The following RALYL variants were observed in gnomAD, a reference collection of about 807,000 sequenced individuals.
RALYL encodes the protein RNA-binding Raly-like protein.
RALYL carries 29 observed loss-of-function variants against 35.1 expected under a neutral mutation model. The observed-to-expected ratio is 0.83, with a 90% CI of 0.61 to 1.13. RALYL has a LOEUF of 1.13. Ranked by LOEUF, RALYL falls within the 50% of genes most tolerant of loss-of-function variation. The probability of loss-of-function intolerance (pLI) is 0.00; values close to 1 mark genes in which losing one functional copy is unlikely to be tolerated. For missense variants in RALYL, 359 were observed against 360.4 expected (o/e 1.00, Z 0.03); for synonymous variants, 120 against 127.6 (o/e 0.94, Z 0.40).
At chr8:84,653,140 A>G (rs950970622) in intron 2 of RALYL, among the ~76,000 whole-genome samples, 2 of 152,106 alleles carry the variant, frequency 1.3e-5, no homozygotes, top group African/African-American at 2.4e-5. Flanking sequence ...TGCATGCTGT[A>G]CACATGCTTT....
chr8:84,568,827 T>A (rs1308965923), intron 2 of RALYL, among the ~76,000 whole-genome samples: 1 of 149,856 alleles, frequency 6.7e-6, no homozygotes, highest in African/African-American at 2.5e-5. Flanking sequence ...TTTCATGTGT[T>A]TTTTGGCTGC....
rs984286679 is a variant in RALYL at position 84,907,006 on chromosome 8, C to T, written c.859-13888C>T. 7.1e-6 allele frequency: 7 copies of T among 981,310 alleles called. No homozygotes were observed. The Admixed American group carries it at 3.7e-4, about 52-fold the overall frequency. 60.8% of individuals were successfully genotyped at this position (981,310 alleles called of 1,614,324 possible). A position where few individuals can be genotyped will look rare whatever the true frequency, so the allele number is the denominator to read the frequency against. The stretch of plus-strand genomic sequence containing the variant: ...GCCTGAGATGAAATGAAAGTTCAGG[C>T]CTTTGGAAAGCTGGTAAGAATTCTT... On this transcript the variant is annotated intron_variant, in intron 8 of 8. Coordinates refer to ENST00000521268, the MANE Select transcript of RALYL (RefSeq NM_173848.7).
intron 2 of RALYL, among the ~76,000 whole-genome samples, chr8:84,680,713 TA>T (rs1733537573): frequency 6.6e-6 from 1 of 152,200 alleles, no homozygotes; most frequent in African/African-American, 2.4e-5. Flanking sequence ...TTTTTTCTTG[TA>T]AATTTGTTGG....
chr8:84,760,930 G>A (rs1478018174), intron 2 of RALYL, among the ~76,000 whole-genome samples: 2 of 152,054 alleles, frequency 1.3e-5, no homozygotes, highest in Non-Finnish European at 2.9e-5. Flanking sequence ...GTAACTGCAT[G>A]ATATCTACAT....
At chr8:84,678,495 G>A (rs1006597281) in intron 2 of RALYL, among the ~76,000 whole-genome samples, 2 of 152,024 alleles carry the variant, frequency 1.3e-5, no homozygotes, top group Admixed American at 6.6e-5. Flanking sequence ...TCAAACTCCT[G>A]ATCTAAAATG....
At chr8:84,899,357 G>T (rs1263909714) in intron 8 of RALYL, among the ~76,000 whole-genome samples, 1 of 151,870 alleles carries the variant, frequency 6.6e-6, no homozygotes, top group East Asian at 1.9e-4. Context: ...TTTCTCGGGG[G>T]TTATTTCACT....
chr8:84,771,185 A>T (rs1815399737), intron 2 of RALYL, among the ~76,000 whole-genome samples: 2 of 152,028 alleles, frequency 1.3e-5, no homozygotes, highest in African/African-American at 4.8e-5. Context: ...GGTTATCAAT[A>T]TTTCAATATT....
chr8:84,368,217 G>T (rs370801640), intron 1 of RALYL, among the ~76,000 whole-genome samples: 1 of 152,104 alleles, frequency 6.6e-6, no homozygotes, highest in Non-Finnish European at 1.5e-5. Flanking sequence ...ATGTGCAAGC[G>T]CTATTCTCTC....
intron 1 of RALYL, among the ~76,000 whole-genome samples, chr8:84,490,444 C>A (rs2055161555): frequency 6.6e-6 from 1 of 151,920 alleles, no homozygotes; most frequent in African/African-American, 2.4e-5. Context: ...TGGAATGATT[C>A]CTGAAGCCAA....
intron 1 of RALYL, among the ~76,000 whole-genome samples, chr8:84,521,854 A>G (rs1335712023): frequency 6.6e-6 from 1 of 152,082 alleles, no homozygotes; most frequent in Non-Finnish European, 1.5e-5. Context: ...TTGCTTTCCA[A>G]TTACTTAATC....
chr8:84,372,350 C>T (rs1462349977), intron 1 of RALYL, among the ~76,000 whole-genome samples: 1 of 151,998 alleles, frequency 6.6e-6, no homozygotes, highest in Non-Finnish European at 1.5e-5. Flanking sequence ...AAAGCGTTCT[C>T]CTAGCATTGC....
intron 2 of RALYL, among the ~76,000 whole-genome samples, chr8:84,588,438 G>A (rs761086516): frequency 9.2e-5 from 14 of 152,164 alleles, no homozygotes; most frequent in Non-Finnish European, 1.8e-4. Context: ...AGGTGTGTTC[G>A]GGTATATATA....
intron 2 of RALYL, among the ~76,000 whole-genome samples, chr8:84,709,365 T>A (rs1589133063): frequency 6.6e-6 from 1 of 152,146 alleles, no homozygotes; most frequent in African/African-American, 2.4e-5. Context: ...TACTACATAT[T>A]AATATTTACA....
chr8:84,251,478 AT>A (rs907808214), intron 1 of RALYL, among the ~76,000 whole-genome samples: 59 of 149,684 alleles, frequency 3.9e-4, no homozygotes, highest in Middle Eastern at 3.5e-3. Flanking sequence ...GCAAACTGTT[AT>A]TTTTTTTTTG....
At chr8:84,493,156 G>A (rs931002263) in intron 1 of RALYL, among the ~76,000 whole-genome samples, 8 of 152,226 alleles carry the variant, frequency 5.3e-5, no homozygotes, top group African/African-American at 1.9e-4. Context: ...TTATGAGTGA[G>A]AAAATGTGGT....
chr8:84,487,372 T>C (rs2054761404), intron 1 of RALYL, among the ~76,000 whole-genome samples: 1 of 152,092 alleles, frequency 6.6e-6, no homozygotes. Flanking sequence ...AGATAAATGT[T>C]CCGTATTTAA....
intron 2 of RALYL, among the ~76,000 whole-genome samples, chr8:84,724,269 T>G: frequency 6.6e-6 from 1 of 151,808 alleles, no homozygotes; most frequent in Admixed American, 6.6e-5. Context: ...GGAAATTTAA[T>G]CAGTAGTCTT....
At chr8:84,896,621 CA>C (rs1844787461) in intron 8 of RALYL, among the ~76,000 whole-genome samples, 1 of 152,174 alleles carries the variant, frequency 6.6e-6, no homozygotes, top group Admixed American at 6.6e-5. Context: ...CACACCACAT[CA>C]GCTCTGTAGT....
At chr8:84,491,574 A>G (rs2055310919) in intron 1 of RALYL, among the ~76,000 whole-genome samples, 1 of 151,982 alleles carries the variant, frequency 6.6e-6, no homozygotes, top group South Asian at 2.1e-4. Flanking sequence ...AGTCAGCCTG[A>G]TAACATTCTC....
Sources: allele counts gnomAD v4.1 joint callset (sites outside exome capture counted in the v4.1 genomes callset), GRCh38; gene constraint gnomAD v4.1.1; transcripts MANE v1.5; gene names NCBI Gene and HGNC (gene_info 2026-07-23, HGNC 2026-07-21).